FHIP1A: variants seen among roughly 807,000 people sequenced by gnomAD.
FHIP1A encodes the protein FHF complex subunit HOOK interacting protein 1A.
A neutral mutation model predicts 88.6 loss-of-function variants in FHIP1A; 61 were observed. The ratio of observed to expected loss-of-function variants is 0.69; its 90% confidence interval spans 0.56 to 0.85. FHIP1A has a LOEUF of 0.85. Ranked by LOEUF, FHIP1A falls within the 40% of genes least tolerant of loss-of-function variation. The pLI, the probability that FHIP1A is intolerant of heterozygous loss-of-function variation, is 0.00. For synonymous variants in FHIP1A, 478 were observed against 496.0 expected (o/e 0.96, Z 0.48); for missense variants, 1,154 against 1,273.5 (o/e 0.91, Z 1.43).
chr4:151,587,966 G>C (rs4696271), intron 6 of FHIP1A, among the ~76,000 whole-genome samples: 1 of 151,840 alleles, frequency 6.6e-6, no homozygotes, highest in African/African-American at 2.4e-5. Context: ...TCAGTAATTT[G>C]AAGATCTAGC....
At chr4:151,413,270 T>G (rs1732748526) in intron 1 of FHIP1A, among the ~76,000 whole-genome samples, 1 of 152,110 alleles carries the variant, frequency 6.6e-6, no homozygotes, top group South Asian at 2.1e-4. Context: ...AATAGCAGTA[T>G]AAGTGCATGA....
rs190047327 is a variant in FHIP1A at position 151,607,324 on chromosome 4, G to A, written c.978+18398G>A. Among the ~76,000 whole-genome samples the A allele has an allele frequency of 7.9e-5, 12 of 152,262 alleles. No individual in the cohort carries two copies. The East Asian group carries it at 2.3e-3, about 29-fold the overall frequency. On this transcript the variant is annotated intron_variant, in intron 7 of 13. Transcript: ENST00000435205. ...AATTAAAAGGCCCAGTCCTGTTGTG[G>A]GCCTGCAACTAGGTAACATGGAGTG... is the stretch of plus-strand genomic sequence containing the variant.
chr4:151,545,130 G>A (rs1283661892), intron 3 of FHIP1A, among the ~76,000 whole-genome samples: 1 of 152,134 alleles, frequency 6.6e-6, no homozygotes, highest in Non-Finnish European at 1.5e-5. Flanking sequence ...TTTTCCAAAA[G>A]AGCAGTTGGT....
At chr4:151,588,796 A>G in intron 6 of FHIP1A, 44 bp from the exon 7 acceptor site, 1 of 1,182,972 alleles carries the variant, frequency 8.5e-7, no homozygotes, top group Non-Finnish European at 1.2e-6. Context: ...AGAACTGAAG[A>G]TTGAACTCTT....
At chr4:151,517,300 G>T (rs1198398230) in intron 3 of FHIP1A, among the ~76,000 whole-genome samples, 2 of 151,908 alleles carry the variant, frequency 1.3e-5, no homozygotes, top group Admixed American at 6.6e-5. Flanking sequence ...GGGGACTGTT[G>T]TGGGGTTGGG....
chr4:151,564,103 A>T (rs10212987), intron 3 of FHIP1A, among the ~76,000 whole-genome samples: 1 of 152,320 alleles, frequency 6.6e-6, no homozygotes, highest in Non-Finnish European at 1.5e-5. Context: ...AGAAGATTGC[A>T]TGTAAATTCC....
At chr4:151,420,602 G>T (rs1320235103) in intron 1 of FHIP1A, among the ~76,000 whole-genome samples, 1 of 152,252 alleles carries the variant, frequency 6.6e-6, no homozygotes, top group South Asian at 2.1e-4. Flanking sequence ...GAAATTTTAG[G>T]AATTTAGTCA....
chr4:151,568,938 A>G (rs1443082), intron 4 of FHIP1A, among the ~76,000 whole-genome samples: 151,924 of 152,298 alleles, frequency 1, 75,778 homozygotes, highest in Middle Eastern at 1. Context: ...GTGGGACCAA[A>G]AGTAAGATAA....
At chr4:151,438,399 G>A (rs1285562437) in intron 1 of FHIP1A, among the ~76,000 whole-genome samples, 3 of 151,906 alleles carry the variant, frequency 2.0e-5, no homozygotes, top group African/African-American at 4.8e-5. Flanking sequence ...GTAACCTAGC[G>A]GGGCACCTGT....
chr4:151,591,069 CTCTG>C (rs1734405558), intron 7 of FHIP1A, among the ~76,000 whole-genome samples: 1 of 150,542 alleles, frequency 6.6e-6, no homozygotes, highest in African/African-American at 2.4e-5. Flanking sequence ...TCTCCCTGTT[CTCTG>C]TCTGTTTTTT....
At chr4:151,596,477 G>A (rs546718457) in intron 7 of FHIP1A, among the ~76,000 whole-genome samples, 3 of 152,094 alleles carry the variant, frequency 2.0e-5, no homozygotes, top group East Asian at 3.9e-4. Context: ...TTTCAGCCTC[G>A]GTGAATCTGA....
chr4:151,473,527 A>G (rs1001755370), intron 2 of FHIP1A, among the ~76,000 whole-genome samples: 7 of 152,172 alleles, frequency 4.6e-5, no homozygotes, highest in African/African-American at 1.7e-4. Context: ...TTATTTTATT[A>G]AAATCTTGCA....
chr4:151,594,673 T>C (rs1354759774), intron 7 of FHIP1A, among the ~76,000 whole-genome samples: 1 of 151,312 alleles, frequency 6.6e-6, no homozygotes, highest in Non-Finnish European at 1.5e-5. Context: ...GCCTCCTGGG[T>C]TCATGTCATT....
At chr4:151,415,990 G>A (rs1480841442) in intron 1 of FHIP1A, among the ~76,000 whole-genome samples, 3 of 151,534 alleles carry the variant, frequency 2.0e-5, no homozygotes, top group African/African-American at 7.3e-5. Flanking sequence ...TTTAGGACAT[G>A]CCATTAAGGA....
chr4:151,451,980 A>C (rs1728807697), intron 1 of FHIP1A, among the ~76,000 whole-genome samples: 1 of 152,020 alleles, frequency 6.6e-6, no homozygotes, highest in Non-Finnish European at 1.5e-5. Flanking sequence ...CACCATGCTC[A>C]GCTAATTTTT....
chr4:151,429,472 TAGAA>T (rs1213540844), intron 1 of FHIP1A, among the ~76,000 whole-genome samples: 1 of 152,176 alleles, frequency 6.6e-6, no homozygotes, highest in Non-Finnish European at 1.5e-5. Flanking sequence ...CTGCTGTTGT[TAGAA>T]AGGAATTTTG....
intron 1 of FHIP1A, among the ~76,000 whole-genome samples, 176 bp downstream of exon 1, chr4:151,409,641 C>A (rs564274224): frequency 6.6e-6 from 1 of 151,916 alleles, no homozygotes; most frequent in South Asian, 2.1e-4. Flanking sequence ...ATGTTCCAAA[C>A]GAGGTCGCTG....
At position 151,577,488 on chromosome 4, in the gene FHIP1A, C is replaced by A; in HGVS notation, c.144C>A (p.Asn48Lys). The stretch of plus-strand genomic sequence containing the variant: ...TGGAGAAGCACGACCCCTTGAAGAA[C>A]ACCCAGGCAAAATATGGGTCTATCC... Reference protein sequence around the residue: ...KILEKHDPLKNTQAKYGSIPP... With the variant: ...KILEKHDPLKKTQAKYGSIPP... The change falls in exon 5 of 14, where the codon AAC (asparagine) becomes AAA (lysine). Residue 48 changes from asparagine to lysine, a missense_variant. Coordinates refer to ENST00000435205, the MANE Select transcript of FHIP1A (RefSeq NM_001109977.3). 6.5e-7 allele frequency: 1 copy of A among 1,546,278 alleles called. No individual in the cohort carries two copies. The highest frequency in any genetic ancestry group is 8.7e-7 in the Non-Finnish European group (1 of 1,143,106).
At chr4:151,582,847 A>T (rs1235909657) in intron 5 of FHIP1A, among the ~76,000 whole-genome samples, 5 of 152,236 alleles carry the variant, frequency 3.3e-5, no homozygotes, top group Non-Finnish European at 7.3e-5. Context: ...GAATACATCT[A>T]TATTTAAACT....
Sources: allele counts gnomAD v4.1 joint callset (sites outside exome capture counted in the v4.1 genomes callset), GRCh38; gene constraint gnomAD v4.1.1; transcripts MANE v1.5; gene names NCBI Gene and HGNC (gene_info 2026-07-23, HGNC 2026-07-21).